Variants in TRIM2 observed in about 807,000 individuals in gnomAD.
TRIM2 encodes the protein tripartite motif-containing protein 2.
Under a neutral mutation model 75.2 loss-of-function variants are expected in TRIM2, and 20 were observed. The observed-to-expected ratio is 0.27, with a 90% CI of 0.19 to 0.39. The LOEUF (loss-of-function observed/expected upper bound fraction) is 0.39, where lower values mean the gene tolerates loss of function less well. Among genes scored for constraint, TRIM2 ranks in the 10% least tolerant of loss-of-function variants. The pLI, the probability that TRIM2 is intolerant of heterozygous loss-of-function variation, is 1.00. For missense variants in TRIM2, 660 were observed against 990.8 expected, an observed-to-expected ratio of 0.67 and a Z score of 4.48; for synonymous variants, 373 against 388.3, an observed-to-expected ratio of 0.96 and a Z score of 0.46.
chr4:153,275,439 T>G (rs1245239590), intron 2 of TRIM2, among the ~76,000 whole-genome samples: 2 of 152,236 alleles, frequency 1.3e-5, no homozygotes, highest in African/African-American at 4.8e-5. Context: ...ACAAAAATAT[T>G]TGATGTGTTT....
chr4:153,176,609 C>G (rs1481245343), intron 1 of TRIM2, among the ~76,000 whole-genome samples: 1 of 128,970 alleles, frequency 7.8e-6, no homozygotes, highest in Non-Finnish European at 1.7e-5. Flanking sequence ...CTACTTATTG[C>G]TTATTTTTAT....
intron 1 of TRIM2, among the ~76,000 whole-genome samples, chr4:153,224,951 ACTC>A (rs1741711110): frequency 1.3e-5 from 2 of 152,052 alleles, no homozygotes; most frequent in Admixed American, 6.5e-5. Flanking sequence ...ACCATTGACT[ACTC>A]TAGAAAGAGG....
intron 1 of TRIM2, chr4:153,266,950 A>G (rs1560915156): frequency 6.6e-6 from 1 of 150,554 alleles, no homozygotes; most frequent in Non-Finnish European, 1.5e-5. Context: ...GAGAAGGAGA[A>G]ACAAAATCTG....
intron 3 of TRIM2, among the ~76,000 whole-genome samples, chr4:153,283,892 A>G (rs1400905161): frequency 2.8e-5 from 3 of 105,936 alleles, no homozygotes; most frequent in Admixed American, 2.2e-4. Context: ...TTTTTTTGAG[A>G]CAGAGACTTG....
chr4:153,239,737 T>C (rs1746013221), intron 1 of TRIM2, among the ~76,000 whole-genome samples: 1 of 152,186 alleles, frequency 6.6e-6, no homozygotes, highest in African/African-American at 2.4e-5. Context: ...TTATTAGGTA[T>C]ATACATGTCT....
chr4:153,306,927 G>A (rs1276185612), intron 6 of TRIM2, among the ~76,000 whole-genome samples: 1 of 152,212 alleles, frequency 6.6e-6, no homozygotes, highest in African/African-American at 2.4e-5. Context: ...GCTTAGAGAA[G>A]TGAAGCCCCT....
intron 1 of TRIM2, among the ~76,000 whole-genome samples, chr4:153,206,854 A>T (rs1560814586): frequency 6.6e-6 from 1 of 152,000 alleles, no homozygotes; most frequent in Non-Finnish European, 1.5e-5. Context: ...GCTCTTTATC[A>T]CTTTGTACAT....
intron 1 of TRIM2, among the ~76,000 whole-genome samples, chr4:153,213,621 G>A (rs919611309): frequency 6.6e-5 from 10 of 152,080 alleles, no homozygotes; most frequent in Admixed American, 1.3e-4. Context: ...TCTGCCTCCC[G>A]AGTTCAAGCA....
chr4:153,178,183 A>G (rs1579340071), intron 1 of TRIM2, among the ~76,000 whole-genome samples: 1 of 152,210 alleles, frequency 6.6e-6, no homozygotes, highest in East Asian at 1.9e-4. Context: ...CTGGGACCCA[A>G]GAGCCCCACT....
chr4:153,171,847 T>C (rs1294467621), intron 1 of TRIM2, among the ~76,000 whole-genome samples: 8 of 143,110 alleles, frequency 5.6e-5, no homozygotes. Context: ...GGGCTTTTTT[T>C]TTTTTTTCGC....
intron 6 of TRIM2, among the ~76,000 whole-genome samples, chr4:153,306,988 A>C (rs1048342345): frequency 6.6e-6 from 1 of 152,198 alleles, no homozygotes; most frequent in Non-Finnish European, 1.5e-5. Context: ...CCCTTTAACT[A>C]TTTGGTTTTC....
chr4:153,221,875 G>GAAA (rs1740289821), intron 1 of TRIM2, among the ~76,000 whole-genome samples: 1 of 110,060 alleles, frequency 9.1e-6, no homozygotes, highest in Admixed American at 9.9e-5. Context: ...AGGAAGGAAG[G>GAAA]GAAGGAGGAA....
chr4:153,180,571 G>A (rs1358804666), intron 1 of TRIM2, among the ~76,000 whole-genome samples: 1 of 152,200 alleles, frequency 6.6e-6, no homozygotes, highest in Non-Finnish European at 1.5e-5. Context: ...TCCACCTCCC[G>A]GGTTCAAGTG....
rs753289927 is a variant in TRIM2, at chr4:153,322,755, G to T, written c.1890G>T (p.Gln630His). The T allele has an allele frequency of 6.2e-7, 1 of 1,614,228 alleles. No individual in the cohort carries two copies. The highest frequency in any genetic ancestry group is 1.1e-5 in the South Asian group (1 of 91,078). Residue 630 changes from glutamine to histidine, a missense_variant, in exon 9 of 12, where the codon CAG becomes CAT. Coordinates refer to ENST00000338700, the MANE Select transcript of TRIM2 (RefSeq NM_015271.5). ...DNKACCVFIF[Q>H]PNGKIVTRFG... ...AGGCGTGCTGCGTGTTTATCTTCCA[G>T]CCAAACGGGAAAATAGTCACCAGGT... is the stretch of plus-strand genomic sequence containing the variant.
At chr4:153,267,753 C>T (rs1560917254) in intron 1 of TRIM2, among the ~76,000 whole-genome samples, 1 of 148,086 alleles carries the variant, frequency 6.8e-6, no homozygotes, top group African/African-American at 2.5e-5. Flanking sequence ...TTCCTTCCTT[C>T]TCTCTCTTTC....
rs571074619 is a variant in TRIM2 at position 153,258,807 on chromosome 4, C to T, written c.31-11528C>T. On this transcript the variant is annotated intron_variant, in intron 1 of 11. Coordinates refer to ENST00000338700, the MANE Select transcript of TRIM2 (RefSeq NM_015271.5). ...TGTTCATGCAGAATTCTTCAAATGA[C>T]GTCTTAGTGTTAGGATTCAGTTCTG... is the stretch of plus-strand genomic sequence containing the variant. 4.6e-5 allele frequency among the ~76,000 whole-genome samples: 7 copies of T among 152,270 alleles called. No individual in the cohort carries two copies. In the South Asian group the frequency reaches 6.2e-4, roughly 14 times the overall value.
At chr4:153,155,006 G>A (rs1356779383) in intron 1 of TRIM2, among the ~76,000 whole-genome samples, 1 of 152,142 alleles carries the variant, frequency 6.6e-6, no homozygotes, top group Non-Finnish European at 1.5e-5. Context: ...CAGGCGTAAT[G>A]GTGGGCACCT....
chr4:153,247,671 C>A (rs1382665631), intron 1 of TRIM2, among the ~76,000 whole-genome samples: 1 of 91,538 alleles, frequency 1.1e-5, no homozygotes, highest in African/African-American at 5.1e-5. Context: ...GAGTGAGACT[C>A]TGTCTCAAAA....
intron 6 of TRIM2, among the ~76,000 whole-genome samples, chr4:153,303,164 T>C (rs1764268085): frequency 6.6e-6 from 1 of 152,200 alleles, no homozygotes; most frequent in African/African-American, 2.4e-5. Flanking sequence ...TATGTTATCA[T>C]TAAAAGATTC....
Sources: gnomAD v4.1 joint callset for allele counts (sites outside exome capture counted in the v4.1 genomes callset) on GRCh38, gnomAD v4.1.1 for gene constraint, MANE v1.5 for transcripts, NCBI Gene and HGNC (gene_info 2026-07-23, HGNC 2026-07-21) for gene names.